Variants in BTG4 observed in about 807,000 individuals in gnomAD.
BTG4 encodes the protein BTG anti-proliferation factor 4, also known as protein BTG4.
In BTG4, 10 loss-of-function variants were observed where a neutral mutation model predicts 19.3. The observed-to-expected ratio is 0.52, with a 90% CI of 0.32 to 0.88. The LOEUF is 0.88. BTG4 is among the 40% of genes least tolerant of loss of function. BTG4 has a pLI of 0.04. For missense variants in BTG4, 238 were observed against 281.9 expected (o/e 0.84, Z 1.11); for synonymous variants, 91 against 95.7 (o/e 0.95, Z 0.29).
At chr11:111,425,023 T>C in the BTG4 span, among the ~76,000 whole-genome samples, 38 of 152,112 alleles carry the variant, frequency 2.5e-4, no homozygotes, top group South Asian at 4.1e-4. Context: ...CAAACTGCCA[T>C]GGCAGTTTAG....
chr11:111,421,425 C>A, the BTG4 span, among the ~76,000 whole-genome samples: 2 of 152,172 alleles, frequency 1.3e-5, no homozygotes, highest in Non-Finnish European at 2.9e-5. Context: ...CTAGCAAGCA[C>A]AGCTAGTCAA....
the BTG4 span, among the ~76,000 whole-genome samples, chr11:111,445,022 G>A: frequency 6.6e-6 from 1 of 152,226 alleles, no homozygotes; most frequent in South Asian, 2.1e-4. Flanking sequence ...ATATTGGTGA[G>A]GGGATAGAAG....
At chr11:111,402,177 C>T in the BTG4 span, among the ~76,000 whole-genome samples, 2 of 148,826 alleles carry the variant, frequency 1.3e-5, no homozygotes. Context: ...GGGAGTTCCC[C>T]TGCACGTGCC....
chr11:111,440,496 G>A, the BTG4 span, among the ~76,000 whole-genome samples: 6 of 152,162 alleles, frequency 3.9e-5, no homozygotes, highest in Non-Finnish European at 2.9e-5. Flanking sequence ...GCATGTACTA[G>A]GAGCTGACAT....
the BTG4 span, among the ~76,000 whole-genome samples, chr11:111,392,509 A>G: frequency 6.6e-6 from 1 of 152,190 alleles, no homozygotes; most frequent in African/African-American, 2.4e-5. Context: ...CATGCATCCA[A>G]ATCACCATTC....
the BTG4 span, among the ~76,000 whole-genome samples, chr11:111,383,900 A>G: frequency 6.6e-6 from 1 of 152,188 alleles, no homozygotes; most frequent in Non-Finnish European, 1.5e-5. Context: ...CATGTTTTTT[A>G]TTATTACAGT....
the BTG4 span, among the ~76,000 whole-genome samples, chr11:111,396,063 G>C: frequency 6.6e-6 from 1 of 152,194 alleles, no homozygotes; most frequent in Non-Finnish European, 1.5e-5. Context: ...CTCAGCCCCT[G>C]CCCAGGATGG....
At chr11:111,437,054 T>C in the BTG4 span, among the ~76,000 whole-genome samples, 10 of 152,160 alleles carry the variant, frequency 6.6e-5, no homozygotes, top group Non-Finnish European at 1.3e-4. Context: ...AGACAATATC[T>C]TTATAAAATT....
chr11:111,411,056 T>C, the BTG4 span, among the ~76,000 whole-genome samples: 1 of 152,256 alleles, frequency 6.6e-6, no homozygotes, highest in Non-Finnish European at 1.5e-5. Flanking sequence ...CTTCTCTACC[T>C]GGTCTTGTTG....
intron 1 of BTG4, among the ~76,000 whole-genome samples, chr11:111,502,991 C>A (rs1866199260): frequency 6.6e-6 from 1 of 152,176 alleles, no homozygotes; most frequent in Non-Finnish European, 1.5e-5. Context: ...GACAACTACA[C>A]CTTCTGTTTT....
intron 5 of BTG4, among the ~76,000 whole-genome samples, chr11:111,485,202 C>T (rs1864984267): frequency 6.6e-6 from 1 of 151,958 alleles, no homozygotes; most frequent in Non-Finnish European, 1.5e-5. Context: ...ACAGATGACC[C>T]CAATAGAAAA....
chr11:111,488,754 A>C (rs571163428), intron 5 of BTG4, among the ~76,000 whole-genome samples: 1 of 152,286 alleles, frequency 6.6e-6, no homozygotes, highest in South Asian at 2.1e-4. Flanking sequence ...ATAGGGAAAA[A>C]AATTCAATTT....
chr11:111,424,401 G>A, the BTG4 span, among the ~76,000 whole-genome samples: 5 of 152,344 alleles, frequency 3.3e-5, no homozygotes, highest in Admixed American at 6.5e-5. Flanking sequence ...GAGTTAACGC[G>A]AAAATGCTGG....
chr11:111,491,962 C>T (rs1351697930), downstream of BTG4, among the ~76,000 whole-genome samples: 3 of 152,000 alleles, frequency 2.0e-5, no homozygotes, highest in Admixed American at 2.0e-4. Context: ...TACACATTTG[C>T]TCAGAGCCTC....
chr11:111,453,613 G>A, the BTG4 span: 2 of 429,284 alleles, frequency 4.7e-6, no homozygotes, highest in Non-Finnish European at 9.5e-6. Context: ...GAATCCCAGA[G>A]GCACCCCCAA....
At chr11:111,435,291 A>T in the BTG4 span, among the ~76,000 whole-genome samples, 30 of 152,218 alleles carry the variant, frequency 2.0e-4, no homozygotes, top group African/African-American at 7.0e-4. Flanking sequence ...TCAGACCTGG[A>T]TATGGAAAGC....
chr11:111,442,618 A>G, the BTG4 span, among the ~76,000 whole-genome samples: 32 of 151,932 alleles, frequency 2.1e-4, no homozygotes, highest in Middle Eastern at 3.4e-3. Context: ...AACAACAACA[A>G]CAACCCACAA....
chr11:111,420,024 T>G, the BTG4 span, among the ~76,000 whole-genome samples: 1 of 151,946 alleles, frequency 6.6e-6, no homozygotes, highest in South Asian at 2.1e-4. Context: ...GACAGGCAGG[T>G]CCAGAAGTGG....
chr11:111,460,824 T>C, the BTG4 span, among the ~76,000 whole-genome samples: 66 of 152,274 alleles, frequency 4.3e-4, 1 homozygote, highest in African/African-American at 1.4e-3. Flanking sequence ...TCATACAATT[T>C]TAAAGTATGT....
Sources: allele counts gnomAD v4.1 joint callset (sites outside exome capture counted in the v4.1 genomes callset), GRCh38; gene constraint gnomAD v4.1.1; transcripts MANE v1.5; gene names NCBI Gene and HGNC (gene_info 2026-07-23, HGNC 2026-07-21).